The following CLC variants were observed in gnomAD, a reference collection of about 807,000 sequenced individuals.
CLC encodes galectin-10.
Under a neutral mutation model 13.9 loss-of-function variants are expected in CLC, and 15 were observed. The ratio of observed to expected loss-of-function variants is 1.08; its 90% CI spans 0.72 to 1.66. The LOEUF (loss-of-function observed/expected upper bound fraction) is 1.66, where lower values mean the gene tolerates loss of function less well. CLC is among the 40% of genes most tolerant of loss of function. The pLI, the probability that CLC is intolerant of heterozygous loss-of-function variation, is 0.00. For missense variants in CLC, 161 were observed against 169.1 expected, an observed-to-expected ratio of 0.95 and a Z score of 0.27; for synonymous variants, 68 against 59.9, an observed-to-expected ratio of 1.14 and a Z score of -0.63.
At chr19:39,736,876 ATTCAATAAAT>A (rs1967321492) in intron 1 of CLC, among the ~76,000 whole-genome samples, 2 of 152,132 alleles carry the variant, frequency 1.3e-5, no homozygotes, top group South Asian at 4.2e-4. Context: ...GCAACACCAC[ATTCAATAAAT>A]TTTTAAATTT....
rs1316797746 is a variant in CLC, at chr19:39,731,522, A to T, written c.304-17T>A. On this transcript the variant is annotated splice_polypyrimidine_tract_variant and intron_variant, in intron 3 of 3. Coordinates refer to ENST00000221804, the MANE Select transcript of CLC (RefSeq NM_001828.6). ...GACCATTACCTACAGAAGGAAAAAA[A>T]TACATCAGAAAGACAGTATTTCACC... The T allele has an allele frequency of 6.3e-7, 1 of 1,591,254 alleles. No individual in the cohort carries two copies.
chr19:39,733,974 C>A (rs150228159), intron 3 of CLC: 17 of 985,052 alleles, frequency 1.7e-5, no homozygotes, highest in South Asian at 4.7e-5. Context: ...GCAAGTGAAC[C>A]GACATTGACC....
Position 39,731,483 on chromosome 19 carries a change from G to A in CLC, c.326C>T (p.Ser109Phe), listed in dbSNP as rs757671695. ...KYQVMVNGQS[S>F]YTFDHRIKPE... The stretch of plus-strand genomic sequence containing the variant: ...CTTGATTCTATGGTCAAAGGTGTAA[G>A]AGGATTGGCCATTGACCATTACCTA... Residue 109 changes from serine (S) to phenylalanine (F), a missense_variant, in exon 4 of 4, where the codon TCT (serine) becomes TTT (phenylalanine). Ser to Phe is a radical substitution (Grantham distance 155). Transcript: ENST00000221804. The A allele has an allele frequency of 2.5e-6, 4 of 1,612,290 alleles. No individual in the cohort carries two copies. The highest frequency in any genetic ancestry group is 2.5e-6 in the Non-Finnish European group (3 of 1,178,734).
Position 39,735,025 on chromosome 19 carries a change from T to G in CLC, c.64A>C (p.Ile22Leu). ...ASLSTGSTVT[I>L]KGRPLACFLN... ...AAACAGGCAAGTGGTCGCCCTTTGA[T>G]TGTCACAGTAGAACCAGTAGACAAA... The change falls in exon 2 of 4, where the codon ATC becomes CTC. Residue 22 changes from isoleucine (I) to leucine (L), a missense_variant. Physicochemically the swap from Ile to Leu is conservative, Grantham distance 5. Coordinates refer to ENST00000221804, the MANE Select transcript of CLC (RefSeq NM_001828.6). 2 of 1,613,808 alleles carry G rather than the reference T, an allele frequency of 1.2e-6. No homozygotes were observed. The highest frequency in any genetic ancestry group is 4.5e-5 in the East Asian group (2 of 44,862).
In CLC at chr19:39,731,409, T is replaced by G. The variant is rs1375045879; in HGVS notation, c.400A>C (p.Lys134Gln). The change falls in exon 4 of 4, where the codon AAA becomes CAA. Residue 134 changes from lysine to glutamine, a missense_variant. Lys to Gln is a moderately conservative substitution (Grantham distance 53). Coordinates refer to ENST00000221804, the MANE Select transcript of CLC (RefSeq NM_001828.6). The stretch of plus-strand genomic sequence containing the variant: ...CTCTTTAAATAGCTGACATTAAATT[T>G]GGTCAGGGAGATATCTCTCCACACT... ...VQVWRDISLT[K>Q]FNVSYLKR is the part of the protein sequence containing the mutation. The G allele has an allele frequency of 3.1e-6, 5 of 1,613,786 alleles. No homozygotes were observed. In the South Asian group the frequency reaches 5.5e-5, roughly 18 times the overall value.
rs756436858 is a variant in CLC, at chr19:39,731,344, G to T, written c.*36C>A. 1 of 1,607,014 alleles carries T rather than the reference G, an allele frequency of 6.2e-7. No homozygotes were observed. The highest frequency in any genetic ancestry group is 1.7e-5 in the Admixed American group (1 of 59,934). On this transcript the variant is annotated 3_prime_UTR_variant, in exon 4 of 4. Coordinates refer to ENST00000221804, the MANE Select transcript of CLC (RefSeq NM_001828.6). ...GCTGGCTTTGGAATCCCAAGTTCAC[G>T]TAGAGACAGGGATTCCTTGGCAACA...
chr19:39,736,774 CAAAAAAA>C (rs71171518), intron 1 of CLC, among the ~76,000 whole-genome samples: 1 of 138,068 alleles, frequency 7.2e-6, no homozygotes, highest in Non-Finnish European at 1.6e-5. Context: ...GACTCTGTCT[CAAAAAAA>C]AAAAAAAAAA....
Position 39,734,285 on chromosome 19 carries a change from G to T in CLC, c.301C>A (p.Gln101Lys). 1 of 1,613,288 alleles carries T rather than the reference G, an allele frequency of 6.2e-7. No homozygotes were observed. The highest frequency in any genetic ancestry group is 1.3e-5 in the African/African-American group (1 of 75,018). The change falls in exon 3 of 4, where the codon CAG becomes AAG. Residue 101 changes from glutamine (Q) to lysine (K), a missense_variant and splice_region_variant. Physicochemically the swap from Gln to Lys is moderately conservative, Grantham distance 53. Coordinates refer to ENST00000221804, the MANE Select transcript of CLC (RefSeq NM_001828.6). ...CGGGGAGCTCCTGGGGTGCTCACCT[G>T]GTACTTATCTGGCAGCACTGAGATG... is the stretch of plus-strand genomic sequence containing the variant. ...LSISVLPDKYQVMVNGQSSYT... is the reference protein window; with the variant it reads ...LSISVLPDKYKVMVNGQSSYT...
intron 1 of CLC, among the ~76,000 whole-genome samples, chr19:39,736,616 A>G (rs1967316401): frequency 1.3e-5 from 2 of 152,020 alleles, no homozygotes; most frequent in African/African-American, 4.8e-5. Context: ...CTCTACTGAA[A>G]ATACAAAAAT....
Position 39,734,343 on chromosome 19 carries a change from C to T in CLC, c.243G>A (p.Met81Ile), listed in dbSNP as rs1967275291. ...CAAATTCTTGGCCATCCTGAAAGGG[C>T]ATATTCTTGGATTCCACCTGCTGCT... ...AWKQQVESKN[M>I]PFQDGQEFEL... is the part of the protein sequence containing the mutation. The change falls in exon 3 of 4, where the codon ATG becomes ATA. Residue 81 changes from methionine to isoleucine, a missense_variant. Met to Ile is a conservative substitution (Grantham distance 10). Transcript: ENST00000221804. 1.2e-6 allele frequency: 2 copies of T among 1,613,968 alleles called. No homozygotes were observed. The highest frequency in any genetic ancestry group is 1.7e-5 in the Admixed American group (1 of 60,004).
At chr19:39,735,728 A>G (rs1328041227) in intron 1 of CLC, among the ~76,000 whole-genome samples, 4 of 152,222 alleles carry the variant, frequency 2.6e-5, no homozygotes, top group African/African-American at 4.8e-5. Context: ...TACAGTAGTT[A>G]ATAGATGTAA....
At chr19:39,737,857 C>T (rs1967337386) in intron 1 of CLC, 81 bp downstream of exon 1, 1 of 1,418,922 alleles carries the variant, frequency 7.0e-7, no homozygotes, top group African/African-American at 1.4e-5. Flanking sequence ...TAGAAATTTT[C>T]ATATTTTCAT....
intron 2 of CLC, 82 bp downstream of exon 2, chr19:39,734,915 C>T: frequency 9.1e-7 from 1 of 1,094,834 alleles, no homozygotes; most frequent in South Asian, 1.3e-5. Context: ...AGACTTTCCA[C>T]ATGATTCACA....
intron 3 of CLC, chr19:39,733,951 T>C (rs1967266815): frequency 1.0e-6 from 1 of 985,058 alleles, no homozygotes; most frequent in Non-Finnish European, 1.2e-6. Context: ...ATATTCTCCA[T>C]TTGGGGAAAA....
chr19:39,734,110 TA>T, intron 3 of CLC, 172 bp downstream of exon 3: 4 of 979,486 alleles, frequency 4.1e-6, no homozygotes, highest in Non-Finnish European at 4.9e-6. Context: ...GTGTGTGTGA[TA>T]AAAAGCCTGG....
chr19:39,735,082 G>T lies in CLC; in HGVS notation c.16-9C>A. 2.5e-6 allele frequency: 4 copies of T among 1,610,902 alleles called. No homozygotes were observed. The highest frequency in any genetic ancestry group is 3.4e-6 in the Non-Finnish European group (4 of 1,177,168). ...GCCTCTGTGTATGGCACCTGCCAGG[G>T]GATTGAGAGTGGGTGAGAGAGGCAG... On this transcript the variant is annotated splice_polypyrimidine_tract_variant and intron_variant, in intron 1 of 3. Coordinates refer to ENST00000221804, the MANE Select transcript of CLC (RefSeq NM_001828.6).
chr19:39,733,633 G>C (rs1967260981), intron 3 of CLC, among the ~76,000 whole-genome samples: 1 of 152,166 alleles, frequency 6.6e-6, no homozygotes, highest in Non-Finnish European at 1.5e-5. Flanking sequence ...ACCATGGATA[G>C]ATTATTTCTC....
At chr19:39,732,075 TTTA>T (rs145823541) in intron 3 of CLC, among the ~76,000 whole-genome samples, 99,395 of 149,110 alleles carry the variant, frequency 0.67, 33,989 homozygotes, top group African/African-American at 0.77. Flanking sequence ...AAATTATTTA[TTTA>T]TTATTTATTT....
rs548154394 is a variant in CLC, at chr19:39,737,142, G to A, written c.15+796C>T. Among the ~76,000 whole-genome samples, 5 of 152,074 alleles carry A rather than the reference G, an allele frequency of 3.3e-5. No homozygotes were observed. The East Asian group carries it at 9.7e-4, about 30-fold the overall frequency. On this transcript the variant is annotated intron_variant, in intron 1 of 3. Coordinates refer to ENST00000221804, the MANE Select transcript of CLC (RefSeq NM_001828.6). ...ATGGGAAGGCCAGGCTAGGGTAGGA[G>A]ACAGGGAGAGACCTGAGGCTGGAGG...
Sources: allele counts gnomAD v4.1 joint callset (sites outside exome capture counted in the v4.1 genomes callset), GRCh38; gene constraint gnomAD v4.1.1; transcripts MANE v1.5; gene names NCBI Gene and HGNC (gene_info 2026-07-23, HGNC 2026-07-21).